PCLO: variants seen among roughly 807,000 people sequenced by gnomAD.
PCLO encodes the protein piccolo presynaptic cytomatrix protein.
Under a neutral mutation model 427.5 loss-of-function variants are expected in PCLO, and 82 were observed. That is an observed-to-expected ratio of 0.19 (90% confidence interval 0.16 to 0.23). PCLO has a LOEUF of 0.23. Ranked by LOEUF, PCLO falls within the 10% of genes least tolerant of loss-of-function variation. The probability of loss-of-function intolerance (pLI) is 1.00; values close to 1 mark genes in which losing one functional copy is unlikely to be tolerated. For synonymous variants in PCLO, 2,357 were observed against 2,155.4 expected, an observed-to-expected ratio of 1.09 and a Z score of -2.59; for missense variants, 6,239 against 6,115.9, an observed-to-expected ratio of 1.02 and a Z score of -0.67.
At chr7:82,845,578 C>A in intron 12 of PCLO, 93 bp from the exon 13 acceptor site, 2 of 782,186 alleles carry the variant, frequency 2.6e-6, no homozygotes, top group Non-Finnish European at 2.1e-6. Context: ...AAAGGTAAAA[C>A]ATTACCTATA....
At position 82,754,979 on chromosome 7, in the gene PCLO, AT is replaced by A. The variant is rs1280549561; in HGVS notation, c.*3595del. 3 of 152,282 alleles carry A rather than the reference AT, an allele frequency of 2.0e-5. No individual in the cohort carries two copies. Among genetic ancestry groups the A allele is most frequent in the Non-Finnish European group, 4.4e-5 (3 of 67,992 alleles). The allele number at this position is 152,282 out of a possible 1,614,324, so 9.4% of individuals were successfully genotyped here. On this transcript the variant is annotated 3_prime_UTR_variant, in exon 25 of 25. Transcript: ENST00000333891. ...ATGATTTAAATAATAAAGTAAAAAAATACTATAAACATCTTTATGATATTTT... is the reference window on the plus strand; with the variant it reads ...ATGATTTAAATAATAAAGTAAAAAAAACTATAAACATCTTTATGATATTTT...
intron 22 of PCLO, among the ~76,000 whole-genome samples, chr7:82,795,741 A>T (rs936837354): frequency 6.6e-6 from 1 of 152,182 alleles, no homozygotes; most frequent in African/African-American, 2.4e-5. Flanking sequence ...CTGTCTTGTG[A>T]CAAATGAACC....
intron 20 of PCLO, chr7:82,821,022 T>G: frequency 8.3e-7 from 1 of 1,207,926 alleles, no homozygotes; most frequent in Non-Finnish European, 1.0e-6. Flanking sequence ...ATAAACATAT[T>G]TTATCAGACA....
rs562491198 is a variant in PCLO at position 82,971,896 on chromosome 7, G to A, written c.3301-5409C>T. ...TTAAGACTGCTTCCATTTTTTTTCC[G>A]GTGATTTTTAAATATATTTTGACTA... On this transcript the variant is annotated intron_variant, in intron 3 of 24. Transcript: ENST00000333891. Among the ~76,000 whole-genome samples the A allele has an allele frequency of 3.3e-5, 5 of 150,552 alleles. No individual in the cohort carries two copies. The South Asian group carries it at 6.3e-4, about 19-fold the overall frequency.
At chr7:83,008,569 C>A (rs544783177) in intron 3 of PCLO, among the ~76,000 whole-genome samples, 1 of 72,060 alleles carries the variant, frequency 1.4e-5, no homozygotes, top group South Asian at 5.0e-4. Context: ...GCAAAGTTCA[C>A]GGTCTTTCCA....
At position 82,916,343 on chromosome 7, in the gene PCLO, CGGA is replaced by C. The variant is rs1562856275; in HGVS notation, c.11640_11642del (p.Pro3881del). The C allele has an allele frequency of 6.2e-7, 1 of 1,613,506 alleles. No homozygotes were observed. Among genetic ancestry groups the C allele is most frequent in the South Asian group, 1.1e-5 (1 of 91,044 alleles). ...ACTGGTATTGTGTGTAAGGACTTGT[CGGA>C]GGAACTAGTTGAGATTCTGTTTGGG... On this transcript the variant is annotated inframe_deletion, in exon 7 of 25. Transcript: ENST00000333891.
intron 3 of PCLO, among the ~76,000 whole-genome samples, chr7:83,123,178 CA>C (rs1791332208): frequency 6.6e-6 from 1 of 152,000 alleles, no homozygotes; most frequent in African/African-American, 2.4e-5. Context: ...CCATCCTGAG[CA>C]AAAGGAATAA....
intron 3 of PCLO, among the ~76,000 whole-genome samples, chr7:83,029,208 A>G (rs981165391): frequency 1.1e-4 from 17 of 150,172 alleles, no homozygotes; most frequent in African/African-American, 4.1e-4. Flanking sequence ...CAACTTACTC[A>G]TCTGACAAAG....
At position 83,006,669 on chromosome 7, in the gene PCLO, T is replaced by C. The variant is rs13232484; in HGVS notation, c.3301-40182A>G. 7.9e-4 allele frequency among the ~76,000 whole-genome samples: 120 copies of C among 151,664 alleles called. 2 individuals carry two copies. Among genetic ancestry groups the C allele is most frequent in the African/African-American group, 2.5e-3 (105 of 41,516 alleles). ...CAATTAAGTGCCCCTAAGAATAGTG[T>C]TGTATACTTGAATTTCATAATGGGG... is the stretch of plus-strand genomic sequence containing the variant. On this transcript the variant is annotated intron_variant, in intron 3 of 24. Coordinates refer to ENST00000333891, the MANE Select transcript of PCLO (RefSeq NM_033026.6).
intron 10 of PCLO, among the ~76,000 whole-genome samples, chr7:82,878,368 C>T (rs927282847): frequency 2.0e-5 from 3 of 151,994 alleles, no homozygotes; most frequent in African/African-American, 7.3e-5. Flanking sequence ...TTTTAAGCAA[C>T]AGCAGACAAA....
intron 9 of PCLO, among the ~76,000 whole-genome samples, chr7:82,888,066 C>G (rs1361655882): frequency 6.7e-6 from 1 of 149,906 alleles, no homozygotes; most frequent in Non-Finnish European, 1.5e-5. Flanking sequence ...TAAGGCTCCA[C>G]CTCAAAACAA....
At position 82,949,742 on chromosome 7, in the gene PCLO, G is replaced by A; in HGVS notation, c.10846C>T (p.Pro3616Ser). 6.2e-7 allele frequency: 1 copy of A among 1,613,736 alleles called. No individual in the cohort carries two copies. Among genetic ancestry groups the A allele is most frequent in the Non-Finnish European group, 8.5e-7 (1 of 1,179,806 alleles). ...ADSTVQLAPS[P>S]PKSPKVLYSP... is the part of the protein sequence containing the mutation. ...TAAAGGACTTTGGGGGATTTGGGTG[G>A]GGAAGGAGCCAGCTGTACTGTGGAA... Residue 3616 changes from proline to serine, a missense_variant, in exon 6 of 25, where the codon CCA becomes TCA. Around this residue, in one of 5 missense-constraint regions of PCLO, gnomAD observed 4,677 missense variants for 4,468.4 expected, o/e 1.05. Transcript: ENST00000333891.
chr7:82,802,663 A>C (rs1172828012), intron 21 of PCLO, among the ~76,000 whole-genome samples: 1 of 152,182 alleles, frequency 6.6e-6, no homozygotes, highest in Non-Finnish European at 1.5e-5. Context: ...TTGATACTGC[A>C]CTTTGTAGAC....
intron 22 of PCLO, among the ~76,000 whole-genome samples, chr7:82,779,561 C>G (rs1004131944): frequency 1.3e-5 from 2 of 151,982 alleles, no homozygotes; most frequent in East Asian, 3.9e-4. Context: ...CTTCTACATC[C>G]TTAACGAAAG....
At chr7:82,995,101 A>G (rs1456304643) in intron 3 of PCLO, among the ~76,000 whole-genome samples, 1 of 151,996 alleles carries the variant, frequency 6.6e-6, no homozygotes, top group East Asian at 1.9e-4. Flanking sequence ...TATGATACAG[A>G]GATGCATATT....
chr7:83,101,421 A>T (rs1790735864), intron 3 of PCLO, among the ~76,000 whole-genome samples: 1 of 152,120 alleles, frequency 6.6e-6, no homozygotes, highest in Non-Finnish European at 1.5e-5. Flanking sequence ...ATCACTAGTG[A>T]TTTACCTACT....
chr7:82,978,857 AACACACAC>A (rs66871387), intron 3 of PCLO, among the ~76,000 whole-genome samples: 1,962 of 138,652 alleles, frequency 0.014, 23 homozygotes, highest in East Asian at 0.046. Context: ...CACACACACA[AACACACAC>A]ACACACACAC....
intron 3 of PCLO, among the ~76,000 whole-genome samples, chr7:83,077,233 C>T (rs1289676405): frequency 1.3e-5 from 2 of 152,072 alleles, no homozygotes; most frequent in East Asian, 3.9e-4. Flanking sequence ...GTTTCCGCTT[C>T]TTTGGTCTGT....
At chr7:82,923,851 C>T (rs755253127) in intron 6 of PCLO, among the ~76,000 whole-genome samples, 1 of 152,030 alleles carries the variant, frequency 6.6e-6, no homozygotes, top group Non-Finnish European at 1.5e-5. Context: ...AAATCTTTCT[C>T]ATACTTGACA....
Sources: allele counts gnomAD v4.1 joint callset (sites outside exome capture counted in the v4.1 genomes callset), GRCh38; gene constraint gnomAD v4.1.1; regional missense constraint gnomAD v4.1.1; transcripts MANE v1.5; gene names NCBI Gene and HGNC (gene_info 2026-07-23, HGNC 2026-07-21).